The following MAP3K15 variants were observed in gnomAD, a reference collection of about 807,000 sequenced individuals.
MAP3K15 encodes MAPK/ERK kinase kinase 15.
Under a neutral mutation model 99.5 loss-of-function variants are expected in MAP3K15, and 124 were observed. The observed-to-expected ratio is 1.25, with a 90% confidence interval of 1.08 to 1.45. The LOEUF (loss-of-function observed/expected upper bound fraction) is 1.45. Ranked by LOEUF, MAP3K15 falls within the 40% of genes most tolerant of loss-of-function variation. The pLI is 0.00. For missense variants in MAP3K15, 1,242 were observed against 1,079.7 expected (o/e 1.15, Z -2.11); for synonymous variants, 494 against 439.6 (o/e 1.12, Z -1.55).
chrX:19,429,713 G>C (rs1282439422), intron 7 of MAP3K15, among the ~76,000 whole-genome samples: 1 of 99,193 alleles, frequency 1.0e-5, no homozygotes, highest in African/African-American at 3.5e-5. Flanking sequence ...AGTAAGTGTG[G>C]ATGGAGAGAA....
chrX:19,399,471 G>A (rs1296686914), intron 14 of MAP3K15, among the ~76,000 whole-genome samples: 1 of 111,281 alleles, frequency 9.0e-6, no homozygotes, highest in East Asian at 2.8e-4. Flanking sequence ...TGCTGAGGCA[G>A]GAGAATCGCT....
intron 18 of MAP3K15, among the ~76,000 whole-genome samples, chrX:19,381,452 G>T (rs1055226333): frequency 3.6e-5 from 4 of 112,479 alleles, no homozygotes; most frequent in Non-Finnish European, 7.5e-5. Context: ...CCAGGCTCAG[G>T]CCTTGGTGGG....
chrX:19,438,222 G>A (rs747943768), intron 6 of MAP3K15, among the ~76,000 whole-genome samples: 2 of 111,284 alleles, frequency 1.8e-5, no homozygotes, highest in Non-Finnish European at 3.8e-5. Context: ...TGAAACTCCT[G>A]CCTCAGAGTG....
chrX:19,418,408 T>G (rs994386371), intron 9 of MAP3K15, among the ~76,000 whole-genome samples: 2 of 111,352 alleles, frequency 1.8e-5, no homozygotes, highest in African/African-American at 3.3e-5. Flanking sequence ...CAAGCCTCGG[T>G]AGCCGATTCG....
chrX:19,477,699 G>A (rs1410464817), intron 3 of MAP3K15, among the ~76,000 whole-genome samples: 5 of 30,665 alleles, frequency 1.6e-4, no homozygotes, highest in African/African-American at 3.6e-4. Flanking sequence ...AACAGAGCAA[G>A]AGTGTTAGAA....
intron 20 of MAP3K15, among the ~76,000 whole-genome samples, chrX:19,374,032 C>T (rs967461894): frequency 6.3e-5 from 7 of 111,322 alleles, no homozygotes; most frequent in Admixed American, 3.8e-4. Flanking sequence ...CACTGGACTT[C>T]GGTGGCCTGC....
At position 19,362,804 on chromosome X, in the gene MAP3K15, G is replaced by A; in HGVS notation, c.3613C>T (p.Leu1205=). 1 of 1,184,848 alleles carries A rather than the reference G, an allele frequency of 8.4e-7. No individual in the cohort carries two copies. The highest frequency in any genetic ancestry group is 1.1e-6 in the Non-Finnish European group (1 of 877,389). ...VEKEREYQNL[L]RQTLEQKTQE... Reference sequence around the variant, plus strand: ...GTTTTCTGTTCTAGAGTTTGCCGCAGAAGATTCTGGTACTCTCTCTCTTTT... The same window carrying A: ...GTTTTCTGTTCTAGAGTTTGCCGCAAAAGATTCTGGTACTCTCTCTCTTTT... Residue 1205 remains leucine, a synonymous_variant, in exon 26 of 29, where the codon CTG becomes TTG. Coordinates refer to ENST00000338883, the MANE Select transcript of MAP3K15 (RefSeq NM_001001671.4).
chrX:19,490,140 TACACACACACACACACACACAC>T (rs59202439), intron 1 of MAP3K15, among the ~76,000 whole-genome samples: 2 of 92,472 alleles, frequency 2.2e-5, no homozygotes, highest in African/African-American at 8.3e-5. Flanking sequence ...ATAGGCATTA[TACACACACACACACACACACAC>T]ACACACACAC....
At chrX:19,411,908 C>A (rs1215678491) in intron 11 of MAP3K15, among the ~76,000 whole-genome samples, 1 of 111,955 alleles carries the variant, frequency 8.9e-6, no homozygotes, top group East Asian at 2.8e-4. Flanking sequence ...TTTGACTCTG[C>A]GTGAGACAGG....
At chrX:19,469,323 G>A (rs1379008511) in intron 3 of MAP3K15, among the ~76,000 whole-genome samples, 2 of 111,898 alleles carry the variant, frequency 1.8e-5, no homozygotes, top group Non-Finnish European at 3.8e-5. Flanking sequence ...TTAATAAATG[G>A]TGCTGGGAAA....
intron 21 of MAP3K15, chrX:19,373,282 G>A (rs1410784115): frequency 1.7e-5 from 6 of 351,309 alleles, no homozygotes; most frequent in Non-Finnish European, 2.9e-5. Context: ...GAAGGAGAGG[G>A]GAGAGAGAAG....
intron 6 of MAP3K15, among the ~76,000 whole-genome samples, chrX:19,437,459 C>T (rs1048442373): frequency 1.8e-4 from 20 of 111,622 alleles, no homozygotes; most frequent in African/African-American, 5.5e-4. Flanking sequence ...TCCAGCTACA[C>T]AAGCTTCCTT....
chrX:19,373,392 G>A, intron 21 of MAP3K15, 144 bp downstream of exon 21: 1 of 690,238 alleles, frequency 1.4e-6, no homozygotes, highest in Non-Finnish European at 2.1e-6. Context: ...TGCCGGGATG[G>A]GGCGGCTCAG....
chrX:19,366,382 C>T (rs2063335030), intron 25 of MAP3K15, among the ~76,000 whole-genome samples: 1 of 111,968 alleles, frequency 8.9e-6, no homozygotes, highest in South Asian at 3.7e-4. Context: ...CTCTGCCCAA[C>T]TGCCACATAG....
chrX:19,373,434 A>G, intron 21 of MAP3K15, 102 bp downstream of exon 21: 4 of 1,009,248 alleles, frequency 4.0e-6, no homozygotes, highest in Non-Finnish European at 2.7e-6. Context: ...GGGAAGTAAA[A>G]CCCCTCAGTG....
intron 24 of MAP3K15, among the ~76,000 whole-genome samples, chrX:19,370,189 C>G (rs908193584): frequency 9.0e-6 from 1 of 111,538 alleles, no homozygotes; most frequent in East Asian, 2.8e-4. Flanking sequence ...GAAGGAGAAT[C>G]AACTTTGGTA....
chrX:19,372,686 C>T lies in MAP3K15; in HGVS notation c.3075G>A (p.Gln1025=). ...CACACTCCTGCAGGTTGGAAGCCAC[C>T]TGGTTCTGCTCCTCCCAGAGGATTT... ...LYKILWEEQN[Q]VASNLQECVA... Residue 1025 remains glutamine (Q), a synonymous_variant, in exon 22 of 29, where the codon CAG becomes CAA. Coordinates refer to ENST00000338883, the MANE Select transcript of MAP3K15 (RefSeq NM_001001671.4). 8.3e-7 allele frequency: 1 copy of T among 1,211,053 alleles called. No homozygotes were observed. Among genetic ancestry groups the T allele is most frequent in the Non-Finnish European group, 1.1e-6 (1 of 895,114 alleles).
At chrX:19,468,402 T>A (rs1263065314) in intron 3 of MAP3K15, among the ~76,000 whole-genome samples, 1 of 111,682 alleles carries the variant, frequency 9.0e-6, no homozygotes, top group African/African-American at 3.3e-5. Flanking sequence ...TCAAAAGCAA[T>A]AGAACAATCA....
intron 18 of MAP3K15, among the ~76,000 whole-genome samples, chrX:19,387,055 C>T (rs56212016): frequency 1.9e-3 from 211 of 112,070 alleles, no homozygotes; most frequent in Non-Finnish European, 3.1e-3. Context: ...GTACGATTTT[C>T]CCATAGTCCA....
Sources: allele counts gnomAD v4.1 joint callset (sites outside exome capture counted in the v4.1 genomes callset), GRCh38; gene constraint gnomAD v4.1.1; transcripts MANE v1.5; gene names NCBI Gene and HGNC (gene_info 2026-07-23, HGNC 2026-07-21).